SMC3: variants seen among roughly 807,000 people sequenced by gnomAD.
The protein encoded by SMC3 is structural maintenance of chromosomes 3.
A neutral mutation model predicts 171.8 loss-of-function variants in SMC3; 20 were observed. The observed-to-expected ratio is 0.12, with a 90% CI of 0.08 to 0.17. The LOEUF is 0.17. Ranked by LOEUF, SMC3 falls within the 10% of genes least tolerant of loss-of-function variation. The pLI, the probability that SMC3 is intolerant of heterozygous loss-of-function variation, is 1.00. For missense variants in SMC3, 543 were observed against 1,420.4 expected (o/e 0.38, Z 9.93); for synonymous variants, 464 against 451.1 (o/e 1.03, Z -0.36).
rs529387380 is a variant in SMC3, at chr10:110,605,494, T to C, written c.*1192T>C. Among the ~76,000 whole-genome samples the C allele has an allele frequency of 2.0e-5, 3 of 152,332 alleles. No individual in the cohort carries two copies. Among genetic ancestry groups the C allele is most frequent in the Admixed American group, 1.3e-4 (2 of 15,306 alleles). On this transcript the variant is annotated 3_prime_UTR_variant, in exon 29 of 29. Coordinates refer to ENST00000361804, the MANE Select transcript of SMC3 (RefSeq NM_005445.4). ...CAGGAGAATTTGTTAGGAGCTACTC[T>C]TCCATCATTGGAAACCAGAAATACC...
At chr10:110,586,493 G>C (rs781483996) in intron 13 of SMC3, among the ~76,000 whole-genome samples, 8 of 152,140 alleles carry the variant, frequency 5.3e-5, no homozygotes, top group Non-Finnish European at 1.2e-4. Flanking sequence ...CTCAGCAGAT[G>C]CCCTTTTTGA....
chr10:110,579,812 A>G (rs1590553692), intron 7 of SMC3, among the ~76,000 whole-genome samples: 2 of 152,324 alleles, frequency 1.3e-5, no homozygotes, highest in East Asian at 3.9e-4. Context: ...TCTTTGATGT[A>G]GATACTTTTG....
intron 17 of SMC3, among the ~76,000 whole-genome samples, 167 bp from the exon 18 acceptor site, chr10:110,592,906 A>C (rs1412457332): frequency 6.6e-6 from 1 of 152,230 alleles, no homozygotes; most frequent in Non-Finnish European, 1.5e-5. Flanking sequence ...AATTACCAGG[A>C]TATTCTAGTG....
chr10:110,586,970 G>A (rs1861128560), intron 13 of SMC3, among the ~76,000 whole-genome samples: 1 of 152,114 alleles, frequency 6.6e-6, no homozygotes, highest in Non-Finnish European at 1.5e-5. Flanking sequence ...ATAGGCTTTT[G>A]CCTCTTGGTA....
rs777587178 is a variant in SMC3 at position 110,577,818 on chromosome 10, T to C, written c.271-17T>C. ...TTTACTATTAAATTAACTGTGGGCT[T>C]TTACATTTTTTCTTAGATCGATAAA... is the stretch of plus-strand genomic sequence containing the variant. On this transcript the variant is annotated splice_polypyrimidine_tract_variant and intron_variant, in intron 5 of 28. Coordinates refer to ENST00000361804, the MANE Select transcript of SMC3 (RefSeq NM_005445.4). 1.9e-6 allele frequency: 3 copies of C among 1,577,476 alleles called. No homozygotes were observed. Among genetic ancestry groups the C allele is most frequent in the Non-Finnish European group, 2.6e-6 (3 of 1,147,512 alleles).
intron 2 of SMC3, among the ~76,000 whole-genome samples, chr10:110,571,481 A>G (rs2134711091): frequency 6.6e-6 from 1 of 152,372 alleles, no homozygotes; most frequent in African/African-American, 2.4e-5. Flanking sequence ...TTCATTGGTC[A>G]AAGTTTTCTA....
chr10:110,596,336 T>C (rs984595523), intron 18 of SMC3, 62 bp from the exon 19 acceptor site: 8 of 1,463,548 alleles, frequency 5.5e-6, no homozygotes, highest in Admixed American at 2.1e-5. Context: ...TTTTTTGTTA[T>C]AAGTCAATTT....
At chr10:110,577,982 T>C (rs1300666906) in intron 6 of SMC3, 68 bp downstream of exon 6, 2 of 1,093,356 alleles carry the variant, frequency 1.8e-6, no homozygotes, top group Non-Finnish European at 2.8e-6. Context: ...ATTGCTGTGT[T>C]GGCCAGGTTG....
rs1362094253 is a variant in SMC3 at position 110,599,697 on chromosome 10, A to C, written c.2312A>C (p.Glu771Ala). The change falls in exon 21 of 29, where the codon GAG (glutamate) becomes GCG (alanine). Residue 771 changes from glutamate to alanine, a missense_variant. By Grantham distance (107) the Glu-to-Ala change is moderately radical (BLOSUM62 -1). This residue lies in a region of SMC3 where 218 missense variants were observed against 509.6 expected (regional missense o/e 0.43). Transcript: ENST00000361804. ...QSLEASLHAM[E>A]STRESLKAEL... ...TTGGAGGCAAGCTTGCATGCTATGG[A>C]GTCTACCAGAGAGTCATTGAAAGCA... 1 of 1,614,132 alleles carries C rather than the reference A, an allele frequency of 6.2e-7. No homozygotes were observed.
In SMC3 at chr10:110,598,194, G is replaced by A. The variant is rs1443670293; in HGVS notation, c.2172G>A (p.Gln724=). Residue 724 remains glutamine (Q), a synonymous_variant, in exon 20 of 29, where the codon CAG becomes CAA. Transcript: ENST00000361804. The part of the protein sequence containing the change: ...LMNQMQQIET[Q]QRKFKASRDS... ...ACCAAATGCAACAGATCGAGACCCA[G>A]CAAAGGAAATTTAAAGCATCTAGAG... 3.1e-6 allele frequency: 5 copies of A among 1,613,752 alleles called. No homozygotes were observed. The highest frequency in any genetic ancestry group is 1.3e-5 in the African/African-American group (1 of 74,866).
intron 6 of SMC3, 120 bp from the exon 7 acceptor site, chr10:110,578,508 C>A: frequency 1.4e-6 from 1 of 720,720 alleles, no homozygotes; most frequent in Non-Finnish European, 2.5e-6. Flanking sequence ...GAGGATGATA[C>A]AGATGGTTTA....
rs1006717266 is a variant in SMC3 at position 110,585,449 on chromosome 10, C to T, written c.1305+1053C>T. 2.2e-4 allele frequency among the ~76,000 whole-genome samples: 34 copies of T among 151,592 alleles called. 1 individual carries two copies. The highest frequency in any genetic ancestry group is 3.4e-3 in the Middle Eastern group (1 of 292). On this transcript the variant is annotated intron_variant, in intron 13 of 28. Transcript: ENST00000361804. ...GATTACAGGTGCCTGCCACCACGCCCGGCTAATTTTTTTGTATTTTTAGTA... is the reference window on the plus strand; with the variant it reads ...GATTACAGGTGCCTGCCACCACGCCTGGCTAATTTTTTTGTATTTTTAGTA...
At chr10:110,604,170 C>T in intron 28 of SMC3, 61 bp from the exon 29 acceptor site, 1 of 947,274 alleles carries the variant, frequency 1.1e-6, no homozygotes, top group Non-Finnish European at 1.7e-6. Flanking sequence ...ATATATTTAC[C>T]CTATACAATG....
chr10:110,597,637 C>G (rs1459956642), intron 19 of SMC3, among the ~76,000 whole-genome samples: 1 of 152,186 alleles, frequency 6.6e-6, no homozygotes, highest in Non-Finnish European at 1.5e-5. Flanking sequence ...AAGATGTTAA[C>G]ACAAAGAGCG....
Position 110,589,844 on chromosome 10 carries a change from T to C in SMC3, c.1410-48T>C, listed in dbSNP as rs3737293. On this transcript the variant is annotated intron_variant, in intron 14 of 28. Coordinates refer to ENST00000361804, the MANE Select transcript of SMC3 (RefSeq NM_005445.4). ...TTCTAAACTGTATACTGTTAATGCA[T>C]CCTCATATGTGTTTAAAATTAAAGA... 113,956 of 1,556,270 alleles carry C rather than the reference T, an allele frequency of 0.073. 4,653 individuals carry two copies. The highest frequency in any genetic ancestry group is 0.14 in the East Asian group (6,261 of 44,554).
At chr10:110,580,439 C>T (rs1861014522) in intron 7 of SMC3, among the ~76,000 whole-genome samples, 1 of 152,140 alleles carries the variant, frequency 6.6e-6, no homozygotes, top group Admixed American at 6.6e-5. Context: ...CACTTGTTAG[C>T]CCTATTCATA....
intron 13 of SMC3, among the ~76,000 whole-genome samples, chr10:110,584,616 AATGT>A (rs1297252020): frequency 6.6e-6 from 1 of 152,112 alleles, no homozygotes; most frequent in Non-Finnish European, 1.5e-5. Context: ...AGTATATTAA[AATGT>A]ATGTATGTAT....
At chr10:110,603,107 A>G (rs1861412250) in intron 27 of SMC3, 77 bp from the exon 28 acceptor site, 1 of 1,524,160 alleles carries the variant, frequency 6.6e-7, no homozygotes, top group African/African-American at 1.4e-5. Flanking sequence ...AATTTTAGTA[A>G]GAGTAAAGAT....
Position 110,591,007 on chromosome 10 carries a change from G to C in SMC3, c.1687G>C (p.Val563Leu). 2 of 1,612,830 alleles carry C rather than the reference G, an allele frequency of 1.2e-6. No individual in the cohort carries two copies. The highest frequency in any genetic ancestry group is 1.7e-6 in the Non-Finnish European group (2 of 1,178,952). The change falls in exon 17 of 29, where the codon GTT becomes CTT. Residue 563 changes from valine to leucine, a missense_variant. Around this residue, in one of 8 missense-constraint regions of SMC3, gnomAD observed 218 missense variants for 509.6 expected, o/e 0.43. Transcript: ENST00000361804. Reference protein sequence around the residue: ...TAGNRLFYHIVDSDEVSTKIL... With the variant: ...TAGNRLFYHILDSDEVSTKIL... ...TATATTTAGGTTATTTTATCACATTGTTGATTCAGATGAAGTCAGCACGAA... is the reference window on the plus strand; with the variant it reads ...TATATTTAGGTTATTTTATCACATTCTTGATTCAGATGAAGTCAGCACGAA...
Sources: allele counts gnomAD v4.1 joint callset (sites outside exome capture counted in the v4.1 genomes callset), GRCh38; gene constraint gnomAD v4.1.1; regional missense constraint gnomAD v4.1.1; transcripts MANE v1.5; gene names NCBI Gene and HGNC (gene_info 2026-07-23, HGNC 2026-07-21).